The following FGFR2 variants were observed in gnomAD, a reference collection of about 807,000 sequenced individuals.
FGFR2 encodes the protein BEK fibroblast growth factor receptor.
A neutral mutation model predicts 95.9 loss-of-function variants in FGFR2; 19 were observed. The observed-to-expected ratio is 0.20, with a 90% CI of 0.14 to 0.29. FGFR2 has a LOEUF of 0.29. Ranked by LOEUF, FGFR2 falls within the 10% of genes least tolerant of loss-of-function variation. The pLI is 1.00. For missense variants in FGFR2, 707 were observed against 1,056.9 expected (o/e 0.67, Z 4.59); for synonymous variants, 392 against 393.3 (o/e 1.00, Z 0.04).
chr10:121,480,163 T>C (rs1844491573), intron 17 of FGFR2, 142 bp from the exon 18 acceptor site: 3 of 945,968 alleles, frequency 3.2e-6, no homozygotes, highest in South Asian at 2.6e-5. Context: ...ACTCTTGAGA[T>C]GTGGGTATTG....
At chr10:121,526,127 C>T in intron 6 of FGFR2, 1 of 398,554 alleles carries the variant, frequency 2.5e-6, no homozygotes, top group Non-Finnish European at 4.4e-6. Flanking sequence ...CTTGCTCTGT[C>T]TTTAAATTAA....
intron 2 of FGFR2, among the ~76,000 whole-genome samples, chr10:121,570,186 C>T (rs1354348664): frequency 6.6e-6 from 1 of 152,232 alleles, no homozygotes; most frequent in Non-Finnish European, 1.5e-5. Context: ...CAGCTCTGTC[C>T]CTGCCCGTGT....
chr10:121,565,612 C>T lies in FGFR2; in HGVS notation c.202G>A (p.Ala68Thr), dbSNP rs374996878. The change falls in exon 3 of 18, where the codon GCC becomes ACC. Residue 68 changes from alanine to threonine, a missense_variant. This residue lies in a region of FGFR2 where 178 missense variants were observed against 194.1 expected (regional missense o/e 0.92). Coordinates refer to ENST00000358487, the MANE Select transcript of FGFR2 (RefSeq NM_000141.5). ...LEVRCLLKDA[A>T]VISWTKDGVH... is the part of the protein sequence containing the mutation. The stretch of plus-strand genomic sequence containing the variant: ...CCATCCTTAGTCCAACTGATCACGG[C>T]GGCATCTTTCAACAGGCAGCGCACC... The T allele has an allele frequency of 1.5e-5, 25 of 1,614,102 alleles. No homozygotes were observed. The highest frequency in any genetic ancestry group is 4.4e-5 in the South Asian group (4 of 91,090).
intron 13 of FGFR2, among the ~76,000 whole-genome samples, chr10:121,488,986 C>T (rs553054841): frequency 2.6e-5 from 4 of 152,332 alleles, no homozygotes; most frequent in Middle Eastern, 3.4e-3. Context: ...TCCTCCAACT[C>T]CTCAGTTGTT....
In FGFR2 at chr10:121,556,433, C is replaced by CTCTCTCTCTCTCTCTCTCTCTA. The variant is rs60584824; in HGVS notation, c.455-4975_455-4974insTAGAGAGAGAGAGAGAGAGAGA. On this transcript the variant is annotated intron_variant, in intron 4 of 17. Transcript: ENST00000358487. ...TCTCTCTCTCTCTCTCTCTCTCTCT[C>CTCTCTCTCTCTCTCTCTCTCTA]TGGAACCAAAAAACAGAGAACACGG... 3.6e-3 allele frequency among the ~76,000 whole-genome samples: 508 copies of CTCTCTCTCTCTCTCTCTCTCTA among 140,642 alleles called. 18 individuals are homozygous for CTCTCTCTCTCTCTCTCTCTCTA. Among genetic ancestry groups the CTCTCTCTCTCTCTCTCTCTCTA allele is most frequent in the African/African-American group, 0.013 (472 of 37,160 alleles). The allele number at this position is 140,642 out of a possible 152,430, so 92.3% of individuals were successfully genotyped here. A position where few individuals can be genotyped will look rare whatever the true frequency, so the allele number is the denominator to read the frequency against.
At chr10:121,494,460 C>G (rs1846517994) in intron 13 of FGFR2, among the ~76,000 whole-genome samples, 1 of 152,096 alleles carries the variant, frequency 6.6e-6, no homozygotes, top group African/African-American at 2.4e-5. Flanking sequence ...CCCCTAGTAG[C>G]ACCACCCTGC....
intron 10 of FGFR2, 37 bp downstream of exon 10, chr10:121,503,753 G>A (rs768967292): frequency 2.5e-6 from 4 of 1,612,816 alleles, no homozygotes; most frequent in Non-Finnish European, 3.4e-6. Flanking sequence ...TTATAGCTGA[G>A]TCTCCATCCT....
intron 13 of FGFR2, among the ~76,000 whole-genome samples, chr10:121,492,813 A>T (rs552150482): frequency 6.6e-6 from 1 of 152,324 alleles, no homozygotes; most frequent in South Asian, 2.1e-4. Context: ...AAAGGCCCAT[A>T]CAATATCCCT....
intron 9 of FGFR2, among the ~76,000 whole-genome samples, chr10:121,508,573 C>T (rs1408369379): frequency 6.6e-6 from 1 of 152,112 alleles, no homozygotes. Flanking sequence ...CATGTGACAG[C>T]TTTTCAAATG....
intron 2 of FGFR2, among the ~76,000 whole-genome samples, chr10:121,588,798 G>A (rs530558229): frequency 1.7e-4 from 26 of 152,196 alleles, no homozygotes; most frequent in African/African-American, 6.3e-4. Flanking sequence ...TCAGGAGGTT[G>A]GAGGACCCCT....
intron 2 of FGFR2, among the ~76,000 whole-genome samples, chr10:121,572,970 T>G (rs192418024): frequency 1.3e-5 from 2 of 152,398 alleles, no homozygotes; most frequent in East Asian, 3.9e-4. Context: ...CTGTGACTTA[T>G]GTGACTTCAC....
intron 1 of FGFR2, among the ~76,000 whole-genome samples, chr10:121,594,642 C>T (rs533638544): frequency 3.3e-5 from 5 of 152,262 alleles, no homozygotes; most frequent in Non-Finnish European, 7.3e-5. Flanking sequence ...GTGAACACAA[C>T]TGCAGCGCAT....
chr10:121,556,396 A>ACTCTCTCTCTCTCT lies in FGFR2; in HGVS notation c.455-4951_455-4938dup, dbSNP rs35668561. Among the ~76,000 whole-genome samples the ACTCTCTCTCTCTCT allele has an allele frequency of 9.5e-4, 122 of 128,192 alleles. 2 individuals carry two copies. The highest frequency in any genetic ancestry group is 3.5e-3 in the African/African-American group (99 of 28,214). 84.1% of individuals were successfully genotyped at this position (128,192 alleles called of 152,430 possible). ...TGCTGACACCTAAGGTTTATAATCT[A>ACTCTCTCTCTCTCT]CTCTCTCTCTCTCTCTCTCTCTCTC... is the stretch of plus-strand genomic sequence containing the variant. On this transcript the variant is annotated intron_variant, in intron 4 of 17. Coordinates refer to ENST00000358487, the MANE Select transcript of FGFR2 (RefSeq NM_000141.5).
At chr10:121,558,259 G>A (rs1436309677) in intron 4 of FGFR2, among the ~76,000 whole-genome samples, 3 of 152,212 alleles carry the variant, frequency 2.0e-5, no homozygotes, top group African/African-American at 7.2e-5. Flanking sequence ...ACTTTTCTAT[G>A]CGAAAGGATA....
At chr10:121,563,383 T>A (rs186549697) in intron 4 of FGFR2, among the ~76,000 whole-genome samples, 126 of 151,798 alleles carry the variant, frequency 8.3e-4, no homozygotes, top group African/African-American at 1.6e-3. Context: ...CGGGAAAAAA[T>A]ATATATATAT....
chr10:121,488,507 C>T (rs1481766677), intron 13 of FGFR2, among the ~76,000 whole-genome samples: 2 of 140,220 alleles, frequency 1.4e-5, no homozygotes, highest in Admixed American at 7.8e-5. Context: ...CGCCATTGCA[C>T]TCCAGCCTGG....
At chr10:121,487,225 GGCCAGCTCCTGCACCTTCTA>G (rs1482808529) in intron 15 of FGFR2, 109 bp downstream of exon 15, 6 of 174,132 alleles carry the variant, frequency 3.4e-5, no homozygotes, top group Non-Finnish European at 7.4e-5. Context: ...TCCTTTCTAA[GGCCAGCTCCTGCACCTTCTA>G]CGAATGTGTG....
chr10:121,545,370 C>T (rs751579978), intron 5 of FGFR2, among the ~76,000 whole-genome samples: 7 of 152,168 alleles, frequency 4.6e-5, no homozygotes, highest in Non-Finnish European at 7.3e-5. Context: ...TGCAAAACCA[C>T]GTAGGTCCAA....
At chr10:121,573,226 T>C (rs1350862631) in intron 2 of FGFR2, among the ~76,000 whole-genome samples, 1 of 152,202 alleles carries the variant, frequency 6.6e-6, no homozygotes, top group African/African-American at 2.4e-5. Flanking sequence ...TCTTGCCCCG[T>C]CCAATCACTT....
Sources: gnomAD v4.1 joint callset for allele counts (sites outside exome capture counted in the v4.1 genomes callset) on GRCh38, gnomAD v4.1.1 for gene constraint, gnomAD v4.1.1 regional missense constraint, MANE v1.5 for transcripts, NCBI Gene and HGNC (gene_info 2026-07-23, HGNC 2026-07-21) for gene names.